Variants in SUFU observed in about 807,000 individuals in gnomAD.
The protein encoded by SUFU is suppressor of fused homolog.
Under a neutral mutation model 58.9 loss-of-function variants are expected in SUFU, and 7 were observed. The observed-to-expected ratio is 0.12, with a 90% CI of 0.07 to 0.22. The LOEUF is 0.22. SUFU is among the 10% of genes least tolerant of loss of function. The pLI, the probability that SUFU is intolerant of heterozygous loss-of-function variation, is 1.00. For missense variants in SUFU, 451 were observed against 641.3 expected (o/e 0.70, Z 3.20); for synonymous variants, 232 against 254.8 (o/e 0.91, Z 0.85).
chr10:102,609,468 G>A (rs1056905849), intron 8 of SUFU, among the ~76,000 whole-genome samples: 17 of 152,200 alleles, frequency 1.1e-4, no homozygotes, highest in African/African-American at 3.9e-4. Context: ...AAGAAAAGCT[G>A]AAACTCAAGA....
intron 2 of SUFU, among the ~76,000 whole-genome samples, chr10:102,522,001 C>T (rs564438647): frequency 4.6e-5 from 7 of 152,276 alleles, no homozygotes; most frequent in African/African-American, 1.7e-4. Context: ...CTGGGAGTGA[C>T]GCTGTCCCAG....
At chr10:102,517,547 CCT>C (rs1564660826) in intron 2 of SUFU, among the ~76,000 whole-genome samples, 1 of 152,194 alleles carries the variant, frequency 6.6e-6, no homozygotes, top group Non-Finnish European at 1.5e-5. Flanking sequence ...ATTCCCCATA[CCT>C]CTCATGTCCT....
chr10:102,614,862 C>T (rs1483676619), intron 8 of SUFU, among the ~76,000 whole-genome samples: 3 of 148,344 alleles, frequency 2.0e-5, no homozygotes, highest in East Asian at 3.9e-4. Context: ...GGTAATAGAA[C>T]GAGACACCAT....
rs1023792098 is a variant in SUFU at position 102,625,007 on chromosome 10, G to T, written c.1297-2168G>T. 6.6e-6 allele frequency among the ~76,000 whole-genome samples: 1 copy of T among 152,196 alleles called. No individual in the cohort carries two copies. The highest frequency in any genetic ancestry group is 1.5e-5 in the Non-Finnish European group (1 of 68,044). On this transcript the variant is annotated intron_variant, in intron 10 of 11. Coordinates refer to ENST00000369902, the MANE Select transcript of SUFU (RefSeq NM_016169.4). This position sits in a 1 kb window ranked among gnomAD's most constrained non-coding sequence, Gnocchi z 4.7. ...GACTGGAGCCATTGTAATATAATTG[G>T]GTTTTAGGTATGCTTGTGTTTGTGC...
intron 10 of SUFU, 138 bp from the exon 11 acceptor site, chr10:102,627,037 A>C: frequency 1.1e-6 from 1 of 919,756 alleles, no homozygotes; most frequent in Non-Finnish European, 1.8e-6. Context: ...GGCCTCAAAC[A>C]CTTCCCTGTG....
upstream of SUFU, chr10:102,502,826 T>G: frequency 3.3e-6 from 2 of 615,352 alleles, no homozygotes; most frequent in Non-Finnish European, 5.7e-6. Flanking sequence ...TCTAGCTTGC[T>G]TTGTTGCCCG....
intron 6 of SUFU, among the ~76,000 whole-genome samples, chr10:102,594,728 C>CT (rs1564697765): frequency 6.6e-6 from 1 of 152,074 alleles, no homozygotes; most frequent in Admixed American, 6.6e-5. Flanking sequence ...ACTGCCTTTT[C>CT]TTTTTTTGAG....
intron 10 of SUFU, among the ~76,000 whole-genome samples, chr10:102,620,626 A>G (rs934870899): frequency 1.3e-5 from 2 of 152,134 alleles, no homozygotes; most frequent in Non-Finnish European, 1.5e-5. Context: ...CCTTGCTGAG[A>G]CTGTAAAGCT....
chr10:102,560,900 C>T (rs372469560), intron 3 of SUFU, among the ~76,000 whole-genome samples: 9 of 151,686 alleles, frequency 5.9e-5, no homozygotes, highest in African/African-American at 4.8e-5. Context: ...TGCAATGGCG[C>T]GATCTCGGCT....
chr10:102,618,524 C>T lies in SUFU; in HGVS notation c.1296+1096C>T, dbSNP rs150657752. The T allele has an allele frequency of 2.9e-3, 440 of 153,148 alleles. 2 individuals are homozygous for T. Among genetic ancestry groups the T allele is most frequent in the African/African-American group, 9.4e-3 (390 of 41,544 alleles). 9.5% of individuals were successfully genotyped at this position (153,148 alleles called of 1,614,324 possible). On this transcript the variant is annotated intron_variant, in intron 10 of 11. Coordinates refer to ENST00000369902, the MANE Select transcript of SUFU (RefSeq NM_016169.4). ...ACCAACCACACTCCCCAGACTAAGCCGAGATAGAAATGGAAGCTAGTGCTT... is the reference window on the plus strand; with the variant it reads ...ACCAACCACACTCCCCAGACTAAGCTGAGATAGAAATGGAAGCTAGTGCTT...
chr10:102,615,137 G>A (rs192002968), intron 8 of SUFU, 131 bp from the exon 9 acceptor site: 1 of 1,370,432 alleles, frequency 7.3e-7, no homozygotes, highest in African/African-American at 1.4e-5. Context: ...ACAGAATGAT[G>A]GCTGTCACCA....
intron 8 of SUFU, among the ~76,000 whole-genome samples, chr10:102,603,720 A>G (rs1016599409): frequency 1.3e-5 from 2 of 152,176 alleles, no homozygotes; most frequent in African/African-American, 2.4e-5. Context: ...CCTCCCCAAC[A>G]TACACACACA....
chr10:102,598,153 CCTTT>C (rs1422126904), intron 7 of SUFU, among the ~76,000 whole-genome samples: 5 of 151,994 alleles, frequency 3.3e-5, no homozygotes, highest in East Asian at 1.9e-4. Flanking sequence ...ATATTTGAGC[CCTTT>C]CTTTTTTTTT....
intron 3 of SUFU, among the ~76,000 whole-genome samples, chr10:102,568,923 CATATATATATATATATAT>C (rs1166324733): frequency 1.5e-4 from 6 of 39,086 alleles, no homozygotes; most frequent in East Asian, 5.8e-4. Context: ...TATATATACA[CATATATATATATATATAT>C]ATATATATAT....
chr10:102,563,409 A>G (rs1169785732), intron 3 of SUFU, among the ~76,000 whole-genome samples: 1 of 152,160 alleles, frequency 6.6e-6, no homozygotes, highest in Non-Finnish European at 1.5e-5. Context: ...GGGCTCAGGA[A>G]AAGCTGGAGG....
intron 8 of SUFU, among the ~76,000 whole-genome samples, chr10:102,611,001 G>A (rs1485767776): frequency 6.6e-6 from 1 of 152,184 alleles, no homozygotes; most frequent in Non-Finnish European, 1.5e-5. Flanking sequence ...AAATGTCCTG[G>A]ACAAGAGAGA....
intron 2 of SUFU, among the ~76,000 whole-genome samples, chr10:102,542,499 T>C (rs1456692216): frequency 2.6e-5 from 4 of 151,952 alleles, no homozygotes; most frequent in African/African-American, 9.7e-5. Flanking sequence ...GGTCTTGAAC[T>C]CCTGAACTCA....
At chr10:102,549,575 A>G (rs1303872222) in intron 2 of SUFU, among the ~76,000 whole-genome samples, 2 of 152,254 alleles carry the variant, frequency 1.3e-5, no homozygotes, top group African/African-American at 4.8e-5. Context: ...CAGGACATGT[A>G]TCCTTAGCAA....
chr10:102,535,934 G>T lies in SUFU; in HGVS notation c.318-14036G>T, dbSNP rs552724768. On this transcript the variant is annotated intron_variant, in intron 2 of 11. Transcript: ENST00000369902. Reference sequence around the variant, plus strand: ...GGGGTTTATAGTCTAGGCTGGAGATGATGATGATGATGATGATGATGATGA... The same window carrying T: ...GGGGTTTATAGTCTAGGCTGGAGATTATGATGATGATGATGATGATGATGA... 7.8e-5 allele frequency among the ~76,000 whole-genome samples: 5 copies of T among 64,086 alleles called. No homozygotes were observed. The South Asian group carries it at 1.7e-3, about 21-fold the overall frequency. 42.0% of individuals were successfully genotyped at this position (64,086 alleles called of 152,430 possible).
Sources: allele counts gnomAD v4.1 joint callset (sites outside exome capture counted in the v4.1 genomes callset), GRCh38; gene constraint gnomAD v4.1.1; non-coding constraint Gnocchi (gnomAD v3.1); transcripts MANE v1.5; gene names NCBI Gene and HGNC (gene_info 2026-07-23, HGNC 2026-07-21).